Variants in TENM2 observed in about 807,000 individuals in gnomAD.
TENM2 encodes the protein teneurin transmembrane protein 2, also known as teneurin-2.
Under a neutral mutation model 245.2 loss-of-function variants are expected in TENM2, and 52 were observed. That is an observed-to-expected ratio of 0.21 (90% CI 0.17 to 0.27). The LOEUF (loss-of-function observed/expected upper bound fraction) is 0.27, where lower values mean the gene tolerates loss of function less well. Among genes scored for constraint, TENM2 ranks in the 10% least tolerant of loss-of-function variants. The pLI is 1.00. For missense variants in TENM2, 3,046 were observed against 3,666.8 expected, an observed-to-expected ratio of 0.83 and a Z score of 4.37; for synonymous variants, 1,363 against 1,438.9, an observed-to-expected ratio of 0.95 and a Z score of 1.19.
chr5:167,628,636 G>C lies in TENM2; in HGVS notation c.503-247350G>C, dbSNP rs141009545. ...AATCAGGATGACACAGTACAAGGTGGTATAGAGAATGTGGGACTTAGGATG... is the reference window on the plus strand; with the variant it reads ...AATCAGGATGACACAGTACAAGGTGCTATAGAGAATGTGGGACTTAGGATG... On this transcript the variant is annotated intron_variant, in intron 2 of 28. Transcript: ENST00000518659. 4.2e-3 allele frequency among the ~76,000 whole-genome samples: 645 copies of C among 152,290 alleles called. 2 individuals carry two copies. The highest frequency in any genetic ancestry group is 0.015 in the African/African-American group (606 of 41,556).
chr5:168,094,897 A>T (rs1044069386), intron 8 of TENM2, among the ~76,000 whole-genome samples: 2 of 152,058 alleles, frequency 1.3e-5, no homozygotes, highest in African/African-American at 4.8e-5. Context: ...GATCAGCAGC[A>T]GCATTAGATT....
chr5:168,070,413 C>CT (rs1160805422), intron 7 of TENM2, among the ~76,000 whole-genome samples: 1 of 152,050 alleles, frequency 6.6e-6, no homozygotes, highest in Non-Finnish European at 1.5e-5. Context: ...TCCCAGATAA[C>CT]TAGATCCTAC....
chr5:167,253,200 C>T, the TENM2 span, among the ~76,000 whole-genome samples: 1 of 151,876 alleles, frequency 6.6e-6, no homozygotes, highest in Non-Finnish European at 1.5e-5. Flanking sequence ...AAGCAATCCT[C>T]CCACCTCAGC....
At chr5:168,224,647 C>G (rs575291855) in intron 23 of TENM2, among the ~76,000 whole-genome samples, 1 of 152,180 alleles carries the variant, frequency 6.6e-6, no homozygotes, top group Non-Finnish European at 1.5e-5. Context: ...CCCCCCATCC[C>G]CACGCGCTGC....
At chr5:167,034,032 A>T in the TENM2 span, among the ~76,000 whole-genome samples, 1 of 152,180 alleles carries the variant, frequency 6.6e-6, no homozygotes, top group Non-Finnish European at 1.5e-5. Context: ...AATCTTTTGG[A>T]TGAAATATTT....
chr5:167,350,411 A>ATGTGTG (rs745887386), intron 1 of TENM2, among the ~76,000 whole-genome samples: 3 of 88,436 alleles, frequency 3.4e-5, no homozygotes, highest in African/African-American at 8.8e-5. Context: ...ATATACATAT[A>ATGTGTG]TATGTGTGTG....
At chr5:167,487,114 G>A (rs866005900) in intron 2 of TENM2, among the ~76,000 whole-genome samples, 4 of 152,170 alleles carry the variant, frequency 2.6e-5, no homozygotes, top group African/African-American at 9.7e-5. Flanking sequence ...CGGTATAGTG[G>A]TCTGTGGAGA....
At chr5:167,262,945 T>A in the TENM2 span, among the ~76,000 whole-genome samples, 1 of 152,160 alleles carries the variant, frequency 6.6e-6, no homozygotes, top group African/African-American at 2.4e-5. Context: ...TTATTCCTCA[T>A]GGATGGCAAC....
At chr5:167,010,032 G>A in the TENM2 span, among the ~76,000 whole-genome samples, 1 of 152,074 alleles carries the variant, frequency 6.6e-6, no homozygotes, top group Admixed American at 6.6e-5. Flanking sequence ...CATGAACCAC[G>A]AACCATAGGA....
chr5:168,103,229 T>A (rs765708420), intron 9 of TENM2, among the ~76,000 whole-genome samples: 57 of 152,308 alleles, frequency 3.7e-4, no homozygotes, highest in Admixed American at 5.9e-4. Flanking sequence ...TGTATTGAAA[T>A]CATTTGGGAC....
intron 1 of TENM2, among the ~76,000 whole-genome samples, chr5:167,306,089 A>G (rs1171516607): frequency 6.6e-6 from 1 of 152,210 alleles, no homozygotes; most frequent in African/African-American, 2.4e-5. Flanking sequence ...CAGCATCCCA[A>G]TATCTAGAAG....
chr5:167,867,269 C>A (rs980846815), intron 2 of TENM2, among the ~76,000 whole-genome samples: 1 of 152,180 alleles, frequency 6.6e-6, no homozygotes, highest in Non-Finnish European at 1.5e-5. Context: ...TAAAAACAGA[C>A]CCTACTCTCC....
chr5:167,133,839 A>G, the TENM2 span, among the ~76,000 whole-genome samples: 73 of 152,210 alleles, frequency 4.8e-4, no homozygotes, highest in African/African-American at 1.7e-3. Context: ...AAAAAAAGGA[A>G]AAAAGAAAAT....
intron 2 of TENM2, among the ~76,000 whole-genome samples, chr5:167,614,608 G>GC: frequency 6.6e-6 from 1 of 152,038 alleles, no homozygotes; most frequent in Non-Finnish European, 1.5e-5. Flanking sequence ...ACGCTTTTAG[G>GC]GTACCTTCAT....
chr5:167,969,814 A>G lies in TENM2; in HGVS notation c.947+16992A>G, dbSNP rs147377054. 2.4e-3 allele frequency among the ~76,000 whole-genome samples: 361 copies of G among 152,344 alleles called. 2 individuals are homozygous for G. Among genetic ancestry groups the G allele is most frequent in the African/African-American group, 7.1e-3 (297 of 41,590 alleles). On this transcript the variant is annotated intron_variant, in intron 4 of 28. Transcript: ENST00000518659. ...CCTTGATTGAGTCTCATGGAATCCA[A>G]CTAGAGTCACATGCCCACAACTGAC...
chr5:167,427,579 G>A (rs1352234056), intron 2 of TENM2, among the ~76,000 whole-genome samples: 10 of 119,884 alleles, frequency 8.3e-5, no homozygotes, highest in East Asian at 2.4e-4. Flanking sequence ...AAGGAAGGAC[G>A]GGAAGGAAGG....
At chr5:167,214,053 A>G in the TENM2 span, among the ~76,000 whole-genome samples, 1 of 152,204 alleles carries the variant, frequency 6.6e-6, no homozygotes, top group African/African-American at 2.4e-5. Flanking sequence ...ATGTCGATCA[A>G]CATGGGAAGA....
chr5:167,583,293 A>G (rs1282139600), intron 2 of TENM2, among the ~76,000 whole-genome samples: 2 of 152,184 alleles, frequency 1.3e-5, no homozygotes, highest in African/African-American at 4.8e-5. Flanking sequence ...ATCTATCAAT[A>G]AGCTATTCCC....
intron 2 of TENM2, among the ~76,000 whole-genome samples, chr5:167,692,233 CA>C (rs1412625275): frequency 2.0e-5 from 3 of 152,098 alleles, no homozygotes; most frequent in Admixed American, 1.3e-4. Flanking sequence ...ACAGTGCTGG[CA>C]AATAGTATTA....
Sources: allele counts gnomAD v4.1 joint callset (sites outside exome capture counted in the v4.1 genomes callset), GRCh38; gene constraint gnomAD v4.1.1; transcripts MANE v1.5; gene names NCBI Gene and HGNC (gene_info 2026-07-23, HGNC 2026-07-21).